The following EEA1 variants were observed in gnomAD, a reference collection of about 807,000 sequenced individuals.
The protein encoded by EEA1 is early endosome antigen 1.
Under a neutral mutation model 209.2 loss-of-function variants are expected in EEA1, and 111 were observed. That is an observed-to-expected ratio of 0.53 (90% CI 0.45 to 0.62). The LOEUF is 0.62. Ranked by LOEUF, EEA1 falls within the 20% of genes least tolerant of loss-of-function variation. The pLI is 0.00. For synonymous variants in EEA1, 536 were observed against 540.6 expected (o/e 0.99, Z 0.12); for missense variants, 1,343 against 1,530.8 (o/e 0.88, Z 2.05).
chr12:92,847,080 G>A (rs1012816359), intron 9 of EEA1, among the ~76,000 whole-genome samples: 3 of 152,072 alleles, frequency 2.0e-5, no homozygotes, highest in African/African-American at 7.2e-5. Flanking sequence ...AGCCTCCCAA[G>A]TAGCTGGGAT....
chr12:92,787,802 T>C (rs368514546), intron 22 of EEA1, 65 bp downstream of exon 22: 14 of 1,269,694 alleles, frequency 1.1e-5, no homozygotes, highest in East Asian at 8.2e-5. Flanking sequence ...TGGATTCAAA[T>C]AGATCATTTA....
chr12:92,884,079 A>G, intron 2 of EEA1: 1 of 1,264,380 alleles, frequency 7.9e-7, no homozygotes, highest in Non-Finnish European at 1.1e-6. Flanking sequence ...GTGCCCACTT[A>G]ACTATGAAAA....
intron 2 of EEA1, among the ~76,000 whole-genome samples, chr12:92,888,588 AAAC>A (rs1311783993): frequency 6.7e-6 from 1 of 149,186 alleles, no homozygotes; most frequent in African/African-American, 2.4e-5. Context: ...AAAAACAAAC[AAAC>A]AAACAAAAAA....
chr12:92,808,475 G>T (rs1875321376), intron 18 of EEA1, among the ~76,000 whole-genome samples: 1 of 150,236 alleles, frequency 6.7e-6, no homozygotes, highest in Non-Finnish European at 1.5e-5. Context: ...CAAAGCTGAG[G>T]TTATTTTTTT....
chr12:92,884,278 G>T (rs1020480801), intron 2 of EEA1: 2 of 1,446,312 alleles, frequency 1.4e-6, no homozygotes, highest in Admixed American at 1.7e-5. Context: ...ACCATACTGT[G>T]AATGGCCACA....
chr12:92,777,249 G>C (rs939077730), intron 27 of EEA1, among the ~76,000 whole-genome samples: 14 of 151,830 alleles, frequency 9.2e-5, no homozygotes, highest in African/African-American at 2.4e-4. Context: ...TACTCAGATC[G>C]CTTCTTTAAC....
chr12:92,872,390 G>A (rs896000949), intron 2 of EEA1, among the ~76,000 whole-genome samples: 1 of 152,112 alleles, frequency 6.6e-6, no homozygotes, highest in African/African-American at 2.4e-5. Flanking sequence ...ATACTTTTAT[G>A]TCATATAATG....
At chr12:92,808,114 A>T (rs995065922) in intron 18 of EEA1, among the ~76,000 whole-genome samples, 3 of 152,170 alleles carry the variant, frequency 2.0e-5, no homozygotes, top group African/African-American at 7.2e-5. Context: ...GACTTTCAAT[A>T]TCATAATTAT....
chr12:92,811,295 AGCTCTTC>A lies in EEA1; in HGVS notation c.2176_2182del (p.Glu726Ter). 1.3e-6 allele frequency: 2 copies of A among 1,566,532 alleles called. No homozygotes were observed. The highest frequency in any genetic ancestry group is 1.7e-6 in the Non-Finnish European group (2 of 1,160,712). On this transcript the variant is annotated frameshift_variant, in exon 17 of 29. Coordinates refer to ENST00000322349, the MANE Select transcript of EEA1 (RefSeq NM_003566.4). LOFTEE classifies it high-confidence loss of function. ...TATACAAACCTTAATTTGACCTTCT[AGCTCTTC>A]GGTTTTCTGTTCTAAAGAGAGGTAT...
chr12:92,798,014 A>G (rs1874733787), intron 21 of EEA1, among the ~76,000 whole-genome samples: 1 of 152,176 alleles, frequency 6.6e-6, no homozygotes, highest in South Asian at 2.1e-4. Context: ...ACAGTAGAGA[A>G]GGAACTCATT....
chr12:92,924,840 T>TA lies in EEA1; in HGVS notation c.24+4202dup, dbSNP rs58741191. Among the ~76,000 whole-genome samples, 343 of 74,486 alleles carry TA rather than the reference T, an allele frequency of 4.6e-3. 5 individuals carry two copies. The highest frequency in any genetic ancestry group is 0.012 in the East Asian group (21 of 1,790). The allele number at this position is 74,486 out of a possible 152,430, so 48.9% of individuals were successfully genotyped here. A position where few individuals can be genotyped will look rare whatever the true frequency, so the allele number is the denominator to read the frequency against. ...AATCTCTTCTTTATTCCTAACATGC[T>TA]AAAAAAAAAAAAAAAAAAAAAAAAA... On this transcript the variant is annotated intron_variant, in intron 1 of 28. Coordinates refer to ENST00000322349, the MANE Select transcript of EEA1 (RefSeq NM_003566.4).
At chr12:92,842,625 T>A in intron 9 of EEA1, 44 bp from the exon 10 acceptor site, 3 of 1,170,262 alleles carry the variant, frequency 2.6e-6, no homozygotes, top group Non-Finnish European at 3.7e-6. Flanking sequence ...AACTAAATTG[T>A]CTAAAAGATA....
At position 92,853,917 on chromosome 12, in the gene EEA1, G is replaced by C. The variant is rs1203837463; in HGVS notation, c.404C>G (p.Ala135Gly). 6.2e-7 allele frequency: 1 copy of C among 1,600,364 alleles called. No individual in the cohort carries two copies. Among genetic ancestry groups the C allele is most frequent in the Admixed American group, 1.7e-5 (1 of 57,432 alleles). ...ATATCTGCTTTAAGTAAAGTTACCT[G>C]CTGATGAATCAGTCACCAACCCATC... ...KPDGLVTDSS[A>G]ELQSLEQQLE... Residue 135 changes from alanine (A) to glycine (G), a missense_variant and splice_region_variant, in exon 6 of 29, where the codon GCA (alanine) becomes GGA (glycine). This residue lies in a region of EEA1 where 1,307 missense variants were observed against 1,465.5 expected (regional missense o/e 0.89). Transcript: ENST00000322349.
intron 1 of EEA1, among the ~76,000 whole-genome samples, chr12:92,916,844 G>GA (rs1286995446): frequency 7.7e-6 from 1 of 130,306 alleles, no homozygotes; most frequent in Non-Finnish European, 1.6e-5. Context: ...TGAAAACTTT[G>GA]AAAAAAATTT....
At chr12:92,830,075 G>A (rs2136690883) in intron 11 of EEA1, among the ~76,000 whole-genome samples, 1 of 151,790 alleles carries the variant, frequency 6.6e-6, no homozygotes, top group South Asian at 2.1e-4. Context: ...ACGGGCAATG[G>A]GTACACTAAC....
At chr12:92,858,127 C>T (rs731799) in intron 3 of EEA1, 1 of 565,762 alleles carries the variant, frequency 1.8e-6, no homozygotes, top group Non-Finnish European at 3.3e-6. Context: ...TTGAGAAGGG[C>T]ACATTCCTCT....
chr12:92,797,381 C>G (rs929420181), intron 21 of EEA1, among the ~76,000 whole-genome samples: 2 of 152,172 alleles, frequency 1.3e-5, no homozygotes, highest in African/African-American at 4.8e-5. Context: ...AGCCACTGCA[C>G]CCAGCCAATT....
chr12:92,795,368 T>A (rs1425023986), intron 21 of EEA1, among the ~76,000 whole-genome samples: 1 of 152,208 alleles, frequency 6.6e-6, no homozygotes, highest in Admixed American at 6.5e-5. Context: ...TCTGTTTAGT[T>A]TCTCTACGCA....
chr12:92,868,135 T>C (rs144207474), intron 2 of EEA1, among the ~76,000 whole-genome samples: 6 of 152,352 alleles, frequency 3.9e-5, no homozygotes, highest in African/African-American at 1.4e-4. Context: ...GTATTGAGGA[T>C]GTGCCTCTGG....
Sources: gnomAD v4.1 joint callset for allele counts (sites outside exome capture counted in the v4.1 genomes callset) on GRCh38, gnomAD v4.1.1 for gene constraint, gnomAD v4.1.1 regional missense constraint, MANE v1.5 for transcripts, NCBI Gene and HGNC (gene_info 2026-07-23, HGNC 2026-07-21) for gene names.